Variants in ERC1 observed in about 807,000 individuals in gnomAD.
The protein encoded by ERC1 is RAB6 interacting protein 2.
In ERC1, 56 loss-of-function variants were observed where a neutral mutation model predicts 132.0. The observed-to-expected ratio is 0.42, with a 90% CI of 0.34 to 0.53. The LOEUF (loss-of-function observed/expected upper bound fraction) is 0.53. ERC1 is among the 20% of genes least tolerant of loss of function. ERC1 has a pLI of 0.03. For missense variants in ERC1, 1,202 were observed against 1,349.9 expected (o/e 0.89, Z 1.72); for synonymous variants, 478 against 476.1 (o/e 1.00, Z -0.05).
intron 15 of ERC1, among the ~76,000 whole-genome samples, chr12:1,296,399 G>GTTTTTT (rs2079938073): frequency 4.2e-5 from 5 of 117,928 alleles, no homozygotes; most frequent in South Asian, 6.3e-4. Context: ...TTATTGGATA[G>GTTTTTT]TCTTTTTTTT....
At chr12:1,072,496 T>C (rs1255190705) in intron 2 of ERC1, among the ~76,000 whole-genome samples, 1 of 109,662 alleles carries the variant, frequency 9.1e-6, no homozygotes, top group Non-Finnish European at 2.3e-5. Context: ...ATCTGCTTAA[T>C]GTCTTTACAA....
intron 1 of ERC1, among the ~76,000 whole-genome samples, chr12:1,026,504 A>G (rs556462193): frequency 3.6e-4 from 55 of 152,354 alleles, no homozygotes; most frequent in South Asian, 2.1e-3. Flanking sequence ...TTACAAGGCT[A>G]CAATACTTTG....
chr12:1,383,626 T>C (rs1424220780), intron 16 of ERC1, among the ~76,000 whole-genome samples: 1 of 152,056 alleles, frequency 6.6e-6, no homozygotes, highest in Non-Finnish European at 1.5e-5. Flanking sequence ...AAAACAAGAC[T>C]CTGTCACACA....
chr12:1,222,473 C>G (rs776676516), intron 12 of ERC1, among the ~76,000 whole-genome samples: 10 of 152,078 alleles, frequency 6.6e-5, no homozygotes, highest in Non-Finnish European at 1.3e-4. Context: ...TCTTGTCCCC[C>G]CAAAGTGCTG....
intron 17 of ERC1, among the ~76,000 whole-genome samples, chr12:1,414,030 C>A (rs990165979): frequency 6.6e-6 from 1 of 152,164 alleles, no homozygotes; most frequent in Non-Finnish European, 1.5e-5. Context: ...CTAGATCCCT[C>A]CCATGCCCAG....
chr12:1,236,466 T>C, intron 12 of ERC1, among the ~76,000 whole-genome samples: 1 of 152,230 alleles, frequency 6.6e-6, no homozygotes, highest in Admixed American at 6.5e-5. Flanking sequence ...ATTTCCAAAA[T>C]CTCTGACTTG....
At chr12:1,234,511 A>G (rs747855335) in intron 12 of ERC1, among the ~76,000 whole-genome samples, 8 of 152,332 alleles carry the variant, frequency 5.3e-5, no homozygotes, top group Non-Finnish European at 7.3e-5. Flanking sequence ...CATTGCTTCA[A>G]TGTGATTGGA....
intron 1 of ERC1, among the ~76,000 whole-genome samples, chr12:1,010,713 A>G (rs1191233022): frequency 6.6e-6 from 1 of 151,638 alleles, no homozygotes; most frequent in Non-Finnish European, 1.5e-5. Context: ...GGTTTTTACC[A>G]TGTTGGCCAG....
At chr12:1,357,324 C>T (rs968067244) in intron 15 of ERC1, among the ~76,000 whole-genome samples, 2 of 152,192 alleles carry the variant, frequency 1.3e-5, no homozygotes, top group African/African-American at 2.4e-5. Flanking sequence ...TAAAGAAAGG[C>T]GAGCAAGCCC....
At chr12:1,019,504 T>C (rs1206685647) in intron 1 of ERC1, among the ~76,000 whole-genome samples, 3 of 152,190 alleles carry the variant, frequency 2.0e-5, no homozygotes, top group African/African-American at 7.2e-5. Flanking sequence ...GTCATGTAGC[T>C]CTGGAAAACA....
intron 17 of ERC1, chr12:1,430,912 T>C (rs1351718348): frequency 2.6e-5 from 4 of 152,234 alleles, no homozygotes; most frequent in Non-Finnish European, 5.9e-5. Context: ...AGGGGTGCAG[T>C]GATAGAAGAG....
rs1942519796 is a variant in ERC1 at position 1,083,492 on chromosome 12, C to A, written c.998C>A (p.Thr333Lys). Reference protein sequence around the residue: ...AKATEEDHERTRRLAEAEMHV... With the variant: ...AKATEEDHERKRRLAEAEMHV... ...GCTACCGAGGAAGACCATGAGAGAA[C>A]AAGACGACTGGCAGAGGCAGAGATG... The change falls in exon 3 of 19, where the codon ACA becomes AAA. Residue 333 changes from threonine (T) to lysine (K), a missense_variant. Thr to Lys is a moderately conservative substitution (Grantham distance 78). Coordinates refer to ENST00000360905, the MANE Select transcript of ERC1 (RefSeq NM_178040.4). The A allele has an allele frequency of 1.9e-6, 3 of 1,614,014 alleles. No homozygotes were observed. The highest frequency in any genetic ancestry group is 2.7e-5 in the African/African-American group (2 of 74,908).
At chr12:1,423,824 A>G (rs911224819) in intron 17 of ERC1, among the ~76,000 whole-genome samples, 5 of 152,186 alleles carry the variant, frequency 3.3e-5, no homozygotes, top group African/African-American at 1.2e-4. Flanking sequence ...ACCACTGTGA[A>G]ACATCCCTTT....
intron 7 of ERC1, 55 bp from the exon 8 acceptor site, chr12:1,141,565 G>T: frequency 7.1e-7 from 1 of 1,400,432 alleles, no homozygotes; most frequent in Non-Finnish European, 9.7e-7. Context: ...CTATTTGAAA[G>T]GAATTACATT....
At chr12:1,278,165 C>G (rs2078411981) in intron 14 of ERC1, among the ~76,000 whole-genome samples, 1 of 152,256 alleles carries the variant, frequency 6.6e-6, no homozygotes, top group Non-Finnish European at 1.5e-5. Flanking sequence ...CAAAAGCCAA[C>G]AGGGCTGCCA....
At chr12:1,173,814 A>G (rs1771268250) in intron 8 of ERC1, among the ~76,000 whole-genome samples, 1 of 152,234 alleles carries the variant, frequency 6.6e-6, no homozygotes, top group Non-Finnish European at 1.5e-5. Flanking sequence ...GAGGTCCTTG[A>G]TCACAACGAA....
At chr12:1,215,978 A>G (rs1958368445) in intron 12 of ERC1, among the ~76,000 whole-genome samples, 1 of 152,212 alleles carries the variant, frequency 6.6e-6, no homozygotes, top group Non-Finnish European at 1.5e-5. Context: ...AAATTAAGTC[A>G]TGTTTTACAT....
intron 2 of ERC1, among the ~76,000 whole-genome samples, chr12:1,047,129 C>A (rs1971195212): frequency 6.6e-6 from 1 of 152,052 alleles, no homozygotes. Flanking sequence ...ACTTATTGAA[C>A]TTTTGAACAA....
At chr12:1,257,892 A>G (rs1400661226) in intron 13 of ERC1, among the ~76,000 whole-genome samples, 3 of 152,182 alleles carry the variant, frequency 2.0e-5, no homozygotes, top group African/African-American at 7.2e-5. Context: ...TCAACATATA[A>G]TCAATATGAA....
Sources: gnomAD v4.1 joint callset for allele counts (sites outside exome capture counted in the v4.1 genomes callset) on GRCh38, gnomAD v4.1.1 for gene constraint, MANE v1.5 for transcripts, NCBI Gene and HGNC (gene_info 2026-07-23, HGNC 2026-07-21) for gene names.